AMBRA1: variants seen among roughly 807,000 people sequenced by gnomAD.
AMBRA1 encodes the protein activating molecule in BECN1-regulated autophagy protein 1.
In AMBRA1, 47 loss-of-function variants were observed where a neutral mutation model predicts 125.4. The ratio of observed to expected loss-of-function variants is 0.37; its 90% CI spans 0.30 to 0.48. The LOEUF is 0.48. Among genes scored for constraint, AMBRA1 ranks in the 20% least tolerant of loss-of-function variants. The pLI is 0.99. For synonymous variants in AMBRA1, 626 were observed against 655.5 expected, an observed-to-expected ratio of 0.95 and a Z score of 0.69; for missense variants, 1,331 against 1,693.4, an observed-to-expected ratio of 0.79 and a Z score of 3.76.
At chr11:46,428,310 C>T (rs1383548804) in intron 14 of AMBRA1, among the ~76,000 whole-genome samples, 1 of 152,082 alleles carries the variant, frequency 6.6e-6, no homozygotes, top group Non-Finnish European at 1.5e-5. Context: ...ACCACATGGC[C>T]ACAAAGAAAA....
intron 1 of AMBRA1, among the ~76,000 whole-genome samples, chr11:46,578,847 T>C (rs2044062407): frequency 8.7e-6 from 1 of 115,048 alleles, no homozygotes; most frequent in African/African-American, 3.5e-5. Flanking sequence ...CACCACTGCA[T>C]GCACTCCAGC....
chr11:46,542,413 T>C lies in AMBRA1; in HGVS notation c.1604A>G (p.Asn535Ser). The C allele has an allele frequency of 1.2e-6, 2 of 1,614,114 alleles. No homozygotes were observed. Among genetic ancestry groups the C allele is most frequent in the Non-Finnish European group, 1.7e-6 (2 of 1,180,020 alleles). ...PQTQQAQEML[N>S]NNIESERPGP... ...TGGCCTCTCAGATTCAATGTTATTG[T>C]TGAGCATTTCCTGGGCCTGTTGGGT... Residue 535 changes from asparagine (N) to serine (S), a missense_variant, in exon 7 of 18, where the codon AAC (asparagine) becomes AGC (serine). Asn to Ser is a conservative substitution (Grantham distance 46). This residue lies in a region of AMBRA1 where 689 missense variants were observed against 776.5 expected (regional missense o/e 0.89). Transcript: ENST00000683756. The surrounding 1 kb of genome is among the most constrained non-coding windows in gnomAD (Gnocchi z 5.9).
At chr11:46,593,741 GC>G (rs1287469536) in intron 1 of AMBRA1, 86 bp downstream of exon 1, 2 of 387,248 alleles carry the variant, frequency 5.2e-6, no homozygotes, top group African/African-American at 4.1e-5. Context: ...CGGCCGGCCA[GC>G]CTGCCCACCC....
At chr11:46,485,704 G>T (rs745343548) in intron 11 of AMBRA1, among the ~76,000 whole-genome samples, 1 of 152,188 alleles carries the variant, frequency 6.6e-6, no homozygotes, top group Non-Finnish European at 1.5e-5. Flanking sequence ...AGTGGGGAAA[G>T]ATCAAGAGGA....
At chr11:46,527,477 CAAAAAAAAAAAAAAAAAAAA>C (rs59904013) in intron 7 of AMBRA1, among the ~76,000 whole-genome samples, 2 of 25,924 alleles carry the variant, frequency 7.7e-5, no homozygotes, top group Non-Finnish European at 1.2e-4. Context: ...GAGACTGTCT[CAAAAAAAAAAAAAAAAAAAA>C]AAAAAAAGGC....
In AMBRA1 at chr11:46,547,883, A is replaced by AC; in HGVS notation, c.136-9dup. The AC allele has an allele frequency of 6.4e-7, 1 of 1,559,032 alleles. No individual in the cohort carries two copies. Among genetic ancestry groups the AC allele is most frequent in the Non-Finnish European group, 8.6e-7 (1 of 1,159,884 alleles). On this transcript the variant is annotated splice_polypyrimidine_tract_variant and intron_variant, in intron 2 of 17. Transcript: ENST00000683756. ...ATCCGGCAGTTCTACTCTCTGGGAG[A>AC]CAAAAAAAAAAAAAAAGTTAAAATA...
chr11:46,511,846 A>C (rs971054717), intron 8 of AMBRA1, among the ~76,000 whole-genome samples: 1 of 151,966 alleles, frequency 6.6e-6, no homozygotes, highest in Non-Finnish European at 1.5e-5. Flanking sequence ...TCTCTTTAGA[A>C]CTTTTCAAAT....
At chr11:46,403,200 A>C (rs1173554154) in intron 17 of AMBRA1, among the ~76,000 whole-genome samples, 1 of 152,198 alleles carries the variant, frequency 6.6e-6, no homozygotes, top group Non-Finnish European at 1.5e-5. Flanking sequence ...AACCATATTT[A>C]ATTCTAGAGA....
At chr11:46,481,378 G>A (rs904319542) in intron 11 of AMBRA1, among the ~76,000 whole-genome samples, 1 of 152,132 alleles carries the variant, frequency 6.6e-6, no homozygotes, top group African/African-American at 2.4e-5. Context: ...CTTCTGAGCT[G>A]AACACACTAT....
intron 7 of AMBRA1, among the ~76,000 whole-genome samples, chr11:46,514,927 C>T (rs1380435351): frequency 1.3e-5 from 2 of 152,166 alleles, no homozygotes; most frequent in Non-Finnish European, 2.9e-5. Flanking sequence ...GAAGAGTATT[C>T]AGGTCATTTA....
chr11:46,453,817 A>G (rs1203617382), intron 11 of AMBRA1, among the ~76,000 whole-genome samples: 3 of 152,224 alleles, frequency 2.0e-5, no homozygotes, highest in East Asian at 1.9e-4. Flanking sequence ...AGGCAGTTTA[A>G]TAACTACTCT....
intron 12 of AMBRA1, among the ~76,000 whole-genome samples, chr11:46,435,295 A>G (rs1251467597): frequency 2.6e-5 from 4 of 152,232 alleles, no homozygotes; most frequent in Non-Finnish European, 5.9e-5. Context: ...CTTAGTTCAC[A>G]TTTAGGAAAT....
At chr11:46,511,974 C>T (rs548975651) in intron 8 of AMBRA1, among the ~76,000 whole-genome samples, 10 of 152,338 alleles carry the variant, frequency 6.6e-5, no homozygotes, top group African/African-American at 2.4e-4. Flanking sequence ...CCTGCCTCAG[C>T]CTCCCAAGTA....
At chr11:46,454,797 T>G (rs1366107119) in intron 11 of AMBRA1, among the ~76,000 whole-genome samples, 1 of 150,902 alleles carries the variant, frequency 6.6e-6, no homozygotes, top group African/African-American at 2.4e-5. Flanking sequence ...TAACCTGATA[T>G]TCATTAAAGA....
At chr11:46,565,160 GGT>G (rs1054749282) in intron 1 of AMBRA1, among the ~76,000 whole-genome samples, 53 of 152,142 alleles carry the variant, frequency 3.5e-4, no homozygotes, top group African/African-American at 1.3e-3. Context: ...AGGAGGCTGA[GGT>G]GGGAGAAATC....
intron 1 of AMBRA1, among the ~76,000 whole-genome samples, chr11:46,570,332 A>C (rs1385579832): frequency 6.6e-6 from 1 of 151,718 alleles, no homozygotes; most frequent in Non-Finnish European, 1.5e-5. Context: ...CCCCACTCTA[A>C]GTCTCCTCCA....
chr11:46,458,174 T>G lies in AMBRA1; in HGVS notation c.2522-14576A>C, dbSNP rs188973074. 6.3e-3 allele frequency among the ~76,000 whole-genome samples: 964 copies of G among 152,244 alleles called. 7 individuals carry two copies. Among genetic ancestry groups the G allele is most frequent in the South Asian group, 0.022 (105 of 4,818 alleles). On this transcript the variant is annotated intron_variant, in intron 11 of 17. Transcript: ENST00000683756. Reference sequence around the variant, plus strand: ...CACTTGTCATAAAAAGATAGCTAATTTGAAATAGCTTCTAATTAAAATCCA... The same window carrying G: ...CACTTGTCATAAAAAGATAGCTAATGTGAAATAGCTTCTAATTAAAATCCA...
At chr11:46,564,390 C>G (rs1331060240) in intron 1 of AMBRA1, among the ~76,000 whole-genome samples, 2 of 152,032 alleles carry the variant, frequency 1.3e-5, no homozygotes, top group African/African-American at 2.4e-5. Flanking sequence ...ACTTTTTCCT[C>G]ACAATGATAC....
At chr11:46,401,121 G>C (rs1945734506) in intron 17 of AMBRA1, among the ~76,000 whole-genome samples, 1 of 152,190 alleles carries the variant, frequency 6.6e-6, no homozygotes, top group African/African-American at 2.4e-5. Flanking sequence ...GCTCACTGTA[G>C]CCCCAATGCT....
Sources: allele counts gnomAD v4.1 joint callset (sites outside exome capture counted in the v4.1 genomes callset), GRCh38; gene constraint gnomAD v4.1.1; regional missense constraint gnomAD v4.1.1; non-coding constraint Gnocchi (gnomAD v3.1); transcripts MANE v1.5; gene names NCBI Gene and HGNC (gene_info 2026-07-23, HGNC 2026-07-21).